The following FGF13 variants were observed in gnomAD, a reference collection of about 807,000 sequenced individuals.
FGF13 encodes the protein fibroblast growth factor 13.
Under a neutral mutation model 19.5 loss-of-function variants are expected in FGF13, and 2 were observed. That is an observed-to-expected ratio of 0.10 (90% CI 0.04 to 0.32). The LOEUF is 0.32. Ranked by LOEUF, FGF13 falls within the 10% of genes least tolerant of loss-of-function variation. The pLI, the probability that FGF13 is intolerant of heterozygous loss-of-function variation, is 1.00. For missense variants in FGF13, 113 were observed against 192.7 expected (o/e 0.59, Z 2.45); for synonymous variants, 72 against 76.9 (o/e 0.94, Z 0.33).
At chrX:138,957,767 C>A (rs1484778100) in intron 1 of FGF13, among the ~76,000 whole-genome samples, 1 of 111,426 alleles carries the variant, frequency 9.0e-6, no homozygotes, top group East Asian at 2.8e-4. Context: ...GTATTTTATT[C>A]TCTTTGAAGC....
In FGF13 at chrX:139,074,189, A is replaced by T. The variant is rs762435707; in HGVS notation, c.-113+129227T>A. Among the ~76,000 whole-genome samples the T allele has an allele frequency of 3.6e-5, 4 of 112,374 alleles. No homozygotes were observed. The Admixed American group carries it at 3.8e-4, about 11-fold the overall frequency. ...TGTTCTTTTATTCATTTGAAAGCCAATTTTTATTACAAAAATGTATAACTC... is the reference window on the plus strand; with the variant it reads ...TGTTCTTTTATTCATTTGAAAGCCATTTTTTATTACAAAAATGTATAACTC... On this transcript the variant is annotated intron_variant, in intron 1 of 2. Coordinates refer to the FGF13 transcript ENST00000421460.
chrX:138,753,999 C>T (rs1386588310), intron 3 of FGF13, among the ~76,000 whole-genome samples: 5 of 111,852 alleles, frequency 4.5e-5, no homozygotes, highest in Non-Finnish European at 9.4e-5. Flanking sequence ...TCATGGGACT[C>T]ACAACTGACA....
rs1006223058 is a variant in FGF13, at chrX:138,876,952, G to A, written c.-112-12302C>T. Among the ~76,000 whole-genome samples the A allele has an allele frequency of 1.2e-4, 13 of 112,298 alleles. No individual in the cohort carries two copies. The Admixed American group carries it at 1.2e-3, about 11-fold the overall frequency. On this transcript the variant is annotated intron_variant, in intron 1 of 2. Coordinates refer to the FGF13 transcript ENST00000421460. The stretch of plus-strand genomic sequence containing the variant: ...AGAATCTAAGTAAAGCAAATAAAGT[G>A]TCGGTACTATTTCTTCCATCAAAAA...
intron 1 of FGF13, among the ~76,000 whole-genome samples, chrX:138,951,369 T>C (rs1190908376): frequency 8.9e-6 from 1 of 111,740 alleles, no homozygotes; most frequent in Non-Finnish European, 1.9e-5. Flanking sequence ...CAAATATTTC[T>C]TAGACAGGAT....
intron 3 of FGF13, among the ~76,000 whole-genome samples, chrX:138,805,991 G>A (rs987732601): frequency 6.3e-5 from 7 of 111,435 alleles, no homozygotes; most frequent in Admixed American, 3.8e-4. Flanking sequence ...ATGAAGCATG[G>A]CACTTGACTC....
chrX:139,004,266 C>T (rs1346465919), intron 1 of FGF13, among the ~76,000 whole-genome samples: 2 of 112,781 alleles, frequency 1.8e-5, no homozygotes, highest in East Asian at 2.8e-4. Flanking sequence ...GCCACTGGCC[C>T]GGGTGATAAG....
intron 1 of FGF13, among the ~76,000 whole-genome samples, chrX:139,000,226 A>G (rs965501957): frequency 8.9e-6 from 1 of 111,967 alleles, no homozygotes; most frequent in African/African-American, 3.3e-5. Flanking sequence ...CACAGCCAAT[A>G]TCATATGGAA....
intron 2 of FGF13, among the ~76,000 whole-genome samples, chrX:138,860,308 C>T (rs2091281921): frequency 9.0e-6 from 1 of 111,382 alleles, no homozygotes; most frequent in Admixed American, 9.6e-5. Context: ...TCCCACAGGA[C>T]TCCAGCAGTA....
intron 3 of FGF13, among the ~76,000 whole-genome samples, chrX:138,774,190 C>A (rs764018264): frequency 9.0e-6 from 1 of 111,590 alleles, no homozygotes; most frequent in Non-Finnish European, 1.9e-5. Context: ...TTATTGGCAA[C>A]GTTTTCAAAA....
intron 3 of FGF13, among the ~76,000 whole-genome samples, chrX:138,664,997 T>G (rs1415427192): frequency 1.8e-5 from 2 of 111,206 alleles, no homozygotes; most frequent in Non-Finnish European, 3.8e-5. Flanking sequence ...ATGAGCTCTC[T>G]GGAAGTGAGG....
chrX:138,685,813 CT>C (rs1306226427), intron 3 of FGF13, among the ~76,000 whole-genome samples: 1 of 109,737 alleles, frequency 9.1e-6, no homozygotes. Flanking sequence ...TGAGATCCCC[CT>C]ATATAGAGTG....
At chrX:139,118,981 A>T (rs1642235091) in intron 1 of FGF13, among the ~76,000 whole-genome samples, 1 of 111,575 alleles carries the variant, frequency 9.0e-6, no homozygotes, top group Non-Finnish European at 1.9e-5. Flanking sequence ...GGCAACACAG[A>T]GACCCCATCT....
chrX:138,821,715 G>T (rs770682176), intron 3 of FGF13, among the ~76,000 whole-genome samples: 1 of 111,484 alleles, frequency 9.0e-6, no homozygotes, highest in Admixed American at 9.6e-5. Flanking sequence ...TACACATGTG[G>T]CTTACATTAT....
chrX:139,189,422 G>A (rs750323306), intron 1 of FGF13, among the ~76,000 whole-genome samples: 2 of 111,639 alleles, frequency 1.8e-5, no homozygotes, highest in African/African-American at 6.5e-5. Context: ...TAAGCCAAAT[G>A]TGGTCTATAT....
At position 138,897,318 on chromosome X, in the gene FGF13, GT is replaced by G. The variant is rs1393768417; in HGVS notation, c.-112-32669del. ...AGCCACCACGCCCAGCTTATTTTCA[GT>G]TTTTTTTTTCTTTATTCAAGGCTAA... On this transcript the variant is annotated intron_variant, in intron 1 of 2. Transcript: ENST00000421460. 1.6e-4 allele frequency among the ~76,000 whole-genome samples: 17 copies of G among 108,412 alleles called. No individual in the cohort carries two copies. The South Asian group carries it at 2.0e-3, about 13-fold the overall frequency. The allele number at this position is 108,412 out of a possible 115,157, so 94.1% of individuals were successfully genotyped here.
chrX:138,817,498 A>G (rs2090969217), intron 3 of FGF13, among the ~76,000 whole-genome samples: 1 of 112,206 alleles, frequency 8.9e-6, no homozygotes, highest in Admixed American at 9.5e-5. Context: ...TTGGCAGGCT[A>G]AACTTTATAT....
At chrX:139,081,070 G>A (rs903491547) in intron 1 of FGF13, among the ~76,000 whole-genome samples, 1 of 110,802 alleles carries the variant, frequency 9.0e-6, no homozygotes, top group East Asian at 2.8e-4. Flanking sequence ...TGAAAAAGTT[G>A]TCCATCCATG....
chrX:138,763,863 G>A (rs1028652811), intron 3 of FGF13, among the ~76,000 whole-genome samples: 2 of 111,227 alleles, frequency 1.8e-5, no homozygotes, highest in African/African-American at 6.5e-5. Context: ...ACAGAGCCAG[G>A]GAAATGGCTG....
intron 1 of FGF13, among the ~76,000 whole-genome samples, chrX:138,999,881 A>G (rs2092064056): frequency 8.9e-6 from 1 of 111,823 alleles, no homozygotes; most frequent in East Asian, 2.8e-4. Flanking sequence ...GAGACACAAC[A>G]AAAAAAGAAA....
Sources: gnomAD v4.1 joint callset for allele counts (sites outside exome capture counted in the v4.1 genomes callset) on GRCh38, gnomAD v4.1.1 for gene constraint, MANE v1.5 for transcripts, NCBI Gene and HGNC (gene_info 2026-07-23, HGNC 2026-07-21) for gene names.